The following KCNA2 variants were observed in gnomAD, a reference collection of about 807,000 sequenced individuals.
KCNA2 encodes the protein potassium channel, voltage gated shaker related subfamily A, member 2.
A neutral mutation model predicts 33.4 loss-of-function variants in KCNA2; 11 were observed. That is an observed-to-expected ratio of 0.33 (90% CI 0.21 to 0.55). The LOEUF is 0.55. Ranked by LOEUF, KCNA2 falls within the 20% of genes least tolerant of loss-of-function variation. KCNA2 has a pLI of 0.93. For synonymous variants in KCNA2, 222 were observed against 231.3 expected (o/e 0.96, Z 0.37); for missense variants, 291 against 621.6 (o/e 0.47, Z 5.66).
At chr1:110,629,954 G>A (rs1417045041) in intron 1 of KCNA2, among the ~76,000 whole-genome samples, 3 of 149,482 alleles carry the variant, frequency 2.0e-5, no homozygotes, top group African/African-American at 5.0e-5. Context: ...TGGAAGAAGC[G>A]TTTTTTTAAA....
intron 1 of KCNA2, among the ~76,000 whole-genome samples, chr1:110,620,865 T>C (rs1470552921): frequency 1.3e-5 from 2 of 152,316 alleles, no homozygotes; most frequent in East Asian, 3.9e-4. Context: ...TGAGTGCGTC[T>C]ATCCACCGTT....
At position 110,601,828 on chromosome 1, in the gene KCNA2, G is replaced by GTGTA. The variant is rs763912060; in HGVS notation, c.*1454_*1455insTACA. ...TGTGTGTGTGTGTGTGTGTGTGTGT[G>GTGTA]TATACATATACACACATATGTATGT... On this transcript the variant is annotated 3_prime_UTR_variant, in exon 3 of 3. Coordinates refer to ENST00000316361, the MANE Select transcript of KCNA2 (RefSeq NM_004974.4). 1.7e-3 allele frequency: 2,086 copies of GTGTA among 1,237,206 alleles called. 14 individuals are homozygous for GTGTA. The East Asian group carries it at 0.031, about 18-fold the overall frequency. The allele number at this position is 1,237,206 out of a possible 1,614,324, so 76.6% of individuals were successfully genotyped here. A position where few individuals can be genotyped will look rare whatever the true frequency, so the allele number is the denominator to read the frequency against.
Position 110,603,309 on chromosome 1 carries a change from T to C in KCNA2, c.1474A>G (p.Ile492Val). 4 of 1,608,634 alleles carry C rather than the reference T, an allele frequency of 2.5e-6. No individual in the cohort carries two copies. The highest frequency in any genetic ancestry group is 2.2e-5 in the South Asian group (2 of 89,812). ...CTLANTNYVNITKMLTDV is the reference protein window; with the variant it reads ...CTLANTNYVNVTKMLTDV Reference sequence around the variant, plus strand: ...CAGACATCAGTTAACATTTTGGTAATATTCACATAGTTTGTGTTAGCCAAG... The same window carrying C: ...CAGACATCAGTTAACATTTTGGTAACATTCACATAGTTTGTGTTAGCCAAG... Residue 492 changes from isoleucine (I) to valine (V), a missense_variant, in exon 3 of 3, where the codon ATT (isoleucine) becomes GTT (valine). By Grantham distance (29) the Ile-to-Val change is conservative. Around this residue, in one of 5 missense-constraint regions of KCNA2, gnomAD observed 65 missense variants for 95.1 expected, o/e 0.68. Transcript: ENST00000316361. This position sits in a 1 kb window ranked among gnomAD's most constrained non-coding sequence, Gnocchi z 5.7.
Position 110,594,338 on chromosome 1 carries a change from T to G in KCNA2, c.*8945A>C, listed in dbSNP as rs1649004657. Reference sequence around the variant, plus strand: ...ATATATATATGTGTGTGTATATATATATACACACACATCACACACAATATA... The same window carrying G: ...ATATATATATGTGTGTGTATATATAGATACACACACATCACACACAATATA... On this transcript the variant is annotated 3_prime_UTR_variant, in exon 3 of 3. Coordinates refer to ENST00000316361, the MANE Select transcript of KCNA2 (RefSeq NM_004974.4). 1.1e-5 allele frequency: 11 copies of G among 962,154 alleles called. No homozygotes were observed. Among genetic ancestry groups the G allele is most frequent in the Non-Finnish European group, 1.4e-5 (11 of 810,994 alleles). 59.6% of individuals were successfully genotyped at this position (962,154 alleles called of 1,614,324 possible). A position where few individuals can be genotyped will look rare whatever the true frequency, so the allele number is the denominator to read the frequency against.
At position 110,603,444 on chromosome 1, in the gene KCNA2, TTTTC is replaced by T; in HGVS notation, c.1335_1338del (p.Lys446ValfsTer19). On this transcript the variant is annotated frameshift_variant, in exon 3 of 3. Transcript: ENST00000316361. LOFTEE classifies it high-confidence loss of function. The surrounding 1 kb of genome is among the most constrained non-coding windows in gnomAD (Gnocchi z 5.7). Reference sequence around the variant, plus strand: ...TTACTAATGGTAGAGGCACTTCTACTTTTCTTTAGGTCAGGGGAGGATGGGATCT... The same window carrying T: ...TTACTAATGGTAGAGGCACTTCTACTTTTAGGTCAGGGGAGGATGGGATCT... 6.2e-7 allele frequency: 1 copy of T among 1,614,212 alleles called. No homozygotes were observed. The highest frequency in any genetic ancestry group is 8.5e-7 in the Non-Finnish European group (1 of 1,180,040).
At chr1:110,618,694 T>G (rs1382982775) in intron 1 of KCNA2, among the ~76,000 whole-genome samples, 1 of 152,134 alleles carries the variant, frequency 6.6e-6, no homozygotes, top group Non-Finnish European at 1.5e-5. Context: ...AAATTCTTGC[T>G]TCCTTCCCAT....
In KCNA2 at chr1:110,599,526, C is replaced by A; in HGVS notation, c.*3757G>T. On this transcript the variant is annotated 3_prime_UTR_variant, in exon 3 of 3. Coordinates refer to ENST00000316361, the MANE Select transcript of KCNA2 (RefSeq NM_004974.4). ...CACCCAGAGGGGAATCAGGAGTTGGCCCCTTTGGGCTTATGCACAAGAGCA... is the reference window on the plus strand; with the variant it reads ...CACCCAGAGGGGAATCAGGAGTTGGACCCTTTGGGCTTATGCACAAGAGCA... 1 of 985,040 alleles carries A rather than the reference C, an allele frequency of 1.0e-6. No homozygotes were observed. Among genetic ancestry groups the A allele is most frequent in the Non-Finnish European group, 1.2e-6 (1 of 829,838 alleles). The allele number at this position is 985,040 out of a possible 1,614,324, so 61.0% of individuals were successfully genotyped here.
chr1:110,600,762 T>G lies in KCNA2; in HGVS notation c.*2521A>C, dbSNP rs1020047243. The G allele has an allele frequency of 2.0e-6, 2 of 985,174 alleles. No individual in the cohort carries two copies. Among genetic ancestry groups the G allele is most frequent in the African/African-American group, 1.7e-5 (1 of 57,196 alleles). 61.0% of individuals were successfully genotyped at this position (985,174 alleles called of 1,614,324 possible). A position where few individuals can be genotyped will look rare whatever the true frequency, so the allele number is the denominator to read the frequency against. ...CTTGGAAATTCAGCACCACCTCCCATGAAGGAGAGGAAGAGAAGCACAGAG... is the reference window on the plus strand; with the variant it reads ...CTTGGAAATTCAGCACCACCTCCCAGGAAGGAGAGGAAGAGAAGCACAGAG... On this transcript the variant is annotated 3_prime_UTR_variant, in exon 3 of 3. Transcript: ENST00000316361.
Position 110,594,323 on chromosome 1 carries a change from G to A in KCNA2, c.*8960C>T, listed in dbSNP as rs4839531. On this transcript the variant is annotated 3_prime_UTR_variant, in exon 3 of 3. Coordinates refer to ENST00000316361, the MANE Select transcript of KCNA2 (RefSeq NM_004974.4). ...TATATATATACATATATATATATAT[G>A]TGTGTGTATATATATATACACACAC... 0.44 allele frequency: 381,494 copies of A among 872,328 alleles called. 75,241 individuals are homozygous for A. The highest frequency in any genetic ancestry group is 0.66 in the East Asian group (5,431 of 8,218). The allele number at this position is 872,328 out of a possible 1,614,324, so 54.0% of individuals were successfully genotyped here.
Position 110,593,785 on chromosome 1 carries a change from C to T in KCNA2, c.*9498G>A, listed in dbSNP as rs1478029943. The stretch of plus-strand genomic sequence containing the variant: ...TACACATATATGTATAACCTATGTA[C>T]AAATATCAGACCCTACTGACACAGG... On this transcript the variant is annotated 3_prime_UTR_variant, in exon 3 of 3. Coordinates refer to ENST00000316361, the MANE Select transcript of KCNA2 (RefSeq NM_004974.4). 4 of 1,392,916 alleles carry T rather than the reference C, an allele frequency of 2.9e-6. No individual in the cohort carries two copies. The highest frequency in any genetic ancestry group is 3.9e-6 in the Non-Finnish European group (4 of 1,018,392). 86.3% of individuals were successfully genotyped at this position (1,392,916 alleles called of 1,614,324 possible).
Position 110,602,203 on chromosome 1 carries a change from G to T in KCNA2, c.*1080C>A, listed in dbSNP as rs930987841. ...GAAGAACAGGGATAGGTAGGCTGGG[G>T]GGCCAGAAGTTTTAGTTCCATTCCA... On this transcript the variant is annotated 3_prime_UTR_variant, in exon 3 of 3. Coordinates refer to ENST00000316361, the MANE Select transcript of KCNA2 (RefSeq NM_004974.4). 1 of 1,549,006 alleles carries T rather than the reference G, an allele frequency of 6.5e-7. No homozygotes were observed.
At position 110,604,892 on chromosome 1, in the gene KCNA2, C is replaced by T. The variant is rs1407215299; in HGVS notation, c.-110G>A. On this transcript the variant is annotated 5_prime_UTR_variant, in exon 3 of 3. Coordinates refer to ENST00000316361, the MANE Select transcript of KCNA2 (RefSeq NM_004974.4). The surrounding 1 kb of genome is among the most constrained non-coding windows in gnomAD (Gnocchi z 7.6). Reference sequence around the variant, plus strand: ...AAGCACAGGAGCATTGGCCTGGTCTCCTGCAGGAGAGCCCCGAGAGCTCTC... The same window carrying T: ...AAGCACAGGAGCATTGGCCTGGTCTTCTGCAGGAGAGCCCCGAGAGCTCTC... 9.7e-7 allele frequency: 1 copy of T among 1,035,368 alleles called. No individual in the cohort carries two copies. Among genetic ancestry groups the T allele is most frequent in the Non-Finnish European group, 1.4e-6 (1 of 698,314 alleles). The allele number at this position is 1,035,368 out of a possible 1,614,324, so 64.1% of individuals were successfully genotyped here. A position where few individuals can be genotyped will look rare whatever the true frequency, so the allele number is the denominator to read the frequency against.
In KCNA2 at chr1:110,596,862, T is replaced by C. The variant is rs1649118622; in HGVS notation, c.*6421A>G. On this transcript the variant is annotated 3_prime_UTR_variant, in exon 3 of 3. Transcript: ENST00000316361. ...TAGAGCAAGGTAGATCAAAAAAGGA[T>C]GGAATGGGACCCTGGGGTTGCCAGC... 2.0e-6 allele frequency: 2 copies of C among 985,282 alleles called. No individual in the cohort carries two copies. Among genetic ancestry groups the C allele is most frequent in the South Asian group, 4.7e-5 (1 of 21,282 alleles). 61.0% of individuals were successfully genotyped at this position (985,282 alleles called of 1,614,324 possible). A position where few individuals can be genotyped will look rare whatever the true frequency, so the allele number is the denominator to read the frequency against.
Position 110,629,297 on chromosome 1 carries a change from A to G in KCNA2, c.-496+2098T>C, listed in dbSNP as rs115994320. On this transcript the variant is annotated intron_variant, in intron 1 of 4. Transcript: ENST00000369770. ...AATGGCCCCAAGATCATCATTCCAG[A>G]CAATCCCCAATGGATATGAAAGTTT... is the stretch of plus-strand genomic sequence containing the variant. 7.8e-3 allele frequency among the ~76,000 whole-genome samples: 1,187 copies of G among 152,332 alleles called. 21 individuals carry two copies. The highest frequency in any genetic ancestry group is 0.027 in the African/African-American group (1,116 of 41,562).
Position 110,595,803 on chromosome 1 carries a change from T to C in KCNA2, c.*7480A>G. ...ATTGATTGCCACAAACCTCACCTTC[T>C]GTGTGGCAGAGATGTGCTTTAGTTC... On this transcript the variant is annotated 3_prime_UTR_variant, in exon 3 of 3. Transcript: ENST00000316361. The C allele has an allele frequency of 1.0e-6, 1 of 985,476 alleles. No homozygotes were observed. The highest frequency in any genetic ancestry group is 1.2e-6 in the Non-Finnish European group (1 of 829,934). 61.0% of individuals were successfully genotyped at this position (985,476 alleles called of 1,614,324 possible).
rs928071378 is a variant in KCNA2, at chr1:110,594,730, A to G, written c.*8553T>C. The G allele has an allele frequency of 1.9e-5, 19 of 985,320 alleles. No individual in the cohort carries two copies. Among genetic ancestry groups the G allele is most frequent in the Non-Finnish European group, 2.3e-5 (19 of 829,988 alleles). The allele number at this position is 985,320 out of a possible 1,614,324, so 61.0% of individuals were successfully genotyped here. On this transcript the variant is annotated 3_prime_UTR_variant, in exon 3 of 3. Transcript: ENST00000316361. The stretch of plus-strand genomic sequence containing the variant: ...GGCAGAACTGGGGCAAGCACAGAGC[A>G]TGTTCAAACCCTCAGGAGCTGAGAC...
upstream of KCNA2, among the ~76,000 whole-genome samples, chr1:110,610,881 C>A (rs1015711805): frequency 6.6e-5 from 10 of 152,326 alleles, no homozygotes; most frequent in Non-Finnish European, 1.5e-4. Context: ...GAGGACAAGG[C>A]AAGGCATCTG....
At position 110,597,932 on chromosome 1, in the gene KCNA2, G is replaced by C; in HGVS notation, c.*5351C>G. On this transcript the variant is annotated 3_prime_UTR_variant, in exon 3 of 3. Transcript: ENST00000316361. ...GAGGAAGAGAACCTTCCTGCATGTA[G>C]GGGAGCCCCTACCTCCATCTGTCCC... The C allele has an allele frequency of 1.0e-6, 1 of 985,384 alleles. No individual in the cohort carries two copies. Among genetic ancestry groups the C allele is most frequent in the South Asian group, 4.7e-5 (1 of 21,274 alleles). The allele number at this position is 985,384 out of a possible 1,614,324, so 61.0% of individuals were successfully genotyped here.
Position 110,604,097 on chromosome 1 carries a change from CAG to C in KCNA2, c.684_685del (p.Cys229HisfsTer7), listed in dbSNP as rs1649483920. The C allele has an allele frequency of 6.2e-7, 1 of 1,614,128 alleles. No individual in the cohort carries two copies. Among genetic ancestry groups the C allele is most frequent in the Non-Finnish European group, 8.5e-7 (1 of 1,180,010 alleles). On this transcript the variant is annotated frameshift_variant, in exon 3 of 3. Coordinates refer to ENST00000316361, the MANE Select transcript of KCNA2 (RefSeq NM_004974.4). LOFTEE classifies it high-confidence loss of function. This position sits in a 1 kb window ranked among gnomAD's most constrained non-coding sequence, Gnocchi z 7.6. ...GAATTCAAAGGAGAACCAGATGATGCAGAGTGTCTCTACAATGAAGAAAGGGT... is the reference window on the plus strand; with the variant it reads ...GAATTCAAAGGAGAACCAGATGATGCAGTGTCTCTACAATGAAGAAAGGGT...
Sources: gnomAD v4.1 joint callset for allele counts (sites outside exome capture counted in the v4.1 genomes callset) on GRCh38, gnomAD v4.1.1 for gene constraint, gnomAD v4.1.1 regional missense constraint, Gnocchi (gnomAD v3.1) non-coding constraint, MANE v1.5 for transcripts, NCBI Gene and HGNC (gene_info 2026-07-23, HGNC 2026-07-21) for gene names.